Variants in RIMS2 observed in about 807,000 individuals in gnomAD.
RIMS2 encodes regulating synaptic membrane exocytosis 2, also known as regulating synaptic membrane exocytosis protein 2.
Under a neutral mutation model 174.4 loss-of-function variants are expected in RIMS2, and 59 were observed. The observed-to-expected ratio is 0.34, with a 90% CI of 0.27 to 0.42. The LOEUF (loss-of-function observed/expected upper bound fraction) is 0.42. Ranked by LOEUF, RIMS2 falls within the 10% of genes least tolerant of loss-of-function variation. The pLI is 1.00. For missense variants in RIMS2, 1,620 were observed against 1,666.3 expected (o/e 0.97, Z 0.48); for synonymous variants, 606 against 572.5 (o/e 1.06, Z -0.84).
At position 104,084,655 on chromosome 8, in the gene RIMS2, A is replaced by G. The variant is rs866272669; in HGVS notation, c.3334+70040A>G. On this transcript the variant is annotated intron_variant, in intron 19 of 23. Coordinates refer to ENST00000504942, the Ensembl canonical transcript of RIMS2. ...TCATGGTTTTTTTTCAAGTCAAGGT[A>G]AAATTTTTGAGCTCATGGCTTAATG... 3.9e-5 allele frequency among the ~76,000 whole-genome samples: 6 copies of G among 152,098 alleles called. No homozygotes were observed. In the Middle Eastern group the frequency reaches 0.017, roughly 431 times the overall value.
At chr8:103,863,327 GGT>G (rs2099068310) in intron 3 of RIMS2, among the ~76,000 whole-genome samples, 1 of 151,904 alleles carries the variant, frequency 6.6e-6, no homozygotes, top group African/African-American at 2.4e-5. Context: ...ACCTGATTGT[GGT>G]GTATTAATTT....
At chr8:103,820,882 A>G (rs1317038367) in intron 3 of RIMS2, among the ~76,000 whole-genome samples, 1 of 151,398 alleles carries the variant, frequency 6.6e-6, no homozygotes, top group Non-Finnish European at 1.5e-5. Flanking sequence ...ACATCACTTT[A>G]GTGTCTATAA....
chr8:103,792,219 GTC>G (rs754408764), intron 3 of RIMS2, among the ~76,000 whole-genome samples: 13 of 152,078 alleles, frequency 8.5e-5, no homozygotes, highest in Admixed American at 4.6e-4. Context: ...ATAACAAACT[GTC>G]TCTCAGACCA....
intron 1 of RIMS2, among the ~76,000 whole-genome samples, chr8:103,670,553 T>C (rs1292469365): frequency 3.9e-5 from 6 of 152,232 alleles, no homozygotes; most frequent in Non-Finnish European, 8.8e-5. Context: ...AAGTCACCTC[T>C]TGAATACTTT....
rs1004381197 is a variant in RIMS2, at chr8:104,232,787, C to G, written c.3335-12129C>G. On this transcript the variant is annotated intron_variant, in intron 19 of 23. Coordinates refer to ENST00000504942, the Ensembl canonical transcript of RIMS2. ...GATTCAAAGTTTGGAAAAGTAGTGC[C>G]TCAACCATGTGCTTATACCCTAATT... 1.5e-4 allele frequency among the ~76,000 whole-genome samples: 23 copies of G among 152,240 alleles called. 1 individual carries two copies. Among genetic ancestry groups the G allele is most frequent in the Admixed American group, 1.2e-3 (19 of 15,288 alleles).
intron 19 of RIMS2, among the ~76,000 whole-genome samples, chr8:104,027,880 A>C (rs1038430562): frequency 6.6e-6 from 1 of 152,134 alleles, no homozygotes; most frequent in African/African-American, 2.4e-5. Flanking sequence ...CCATCTGTGA[A>C]AGCATATTGG....
chr8:103,695,440 A>G (rs1194420337), intron 1 of RIMS2, among the ~76,000 whole-genome samples: 1 of 151,010 alleles, frequency 6.6e-6, no homozygotes, highest in Non-Finnish European at 1.5e-5. Context: ...TTAATTTTCT[A>G]TTTTCTTAAG....
Position 103,912,114 on chromosome 8 carries a change from A to G in RIMS2, c.1754A>G (p.Asn585Ser). 3.7e-6 allele frequency: 6 copies of G among 1,607,964 alleles called. No homozygotes were observed. The highest frequency in any genetic ancestry group is 5.1e-6 in the Non-Finnish European group (6 of 1,175,696). The change falls in exon 6 of 24, where the codon AAT becomes AGT. Residue 585 changes from asparagine (N) to serine (S), a missense_variant. Coordinates refer to ENST00000504942, the Ensembl canonical transcript of RIMS2. ...CGTTTAATTGGTCGCATTTTATTAA[A>G]TAAGCGTCTAAAAGATGGAAGTGTA...
chr8:103,536,454 G>A (rs1839795680), intron 1 of RIMS2, among the ~76,000 whole-genome samples: 1 of 152,116 alleles, frequency 6.6e-6, no homozygotes, highest in South Asian at 2.1e-4. Context: ...TTGCATTGCT[G>A]TAAAGGAATA....
At chr8:104,119,203 A>G (rs1371355779) in intron 19 of RIMS2, among the ~76,000 whole-genome samples, 2 of 151,554 alleles carry the variant, frequency 1.3e-5, no homozygotes, top group East Asian at 1.9e-4. Flanking sequence ...AAAAAAAAAA[A>G]TCAAAAATTA....
intron 1 of RIMS2, among the ~76,000 whole-genome samples, chr8:103,603,144 C>G (rs1364041736): frequency 9.0e-6 from 1 of 110,528 alleles, no homozygotes; most frequent in Non-Finnish European, 1.8e-5. Flanking sequence ...CTATCCCTCC[C>G]CCCTCCCCCC....
At chr8:103,818,554 G>C (rs7836680) in intron 3 of RIMS2, among the ~76,000 whole-genome samples, 22,833 of 152,062 alleles carry the variant, frequency 0.15, 1,789 homozygotes, top group Middle Eastern at 0.24. Flanking sequence ...AAATAAATTA[G>C]TAATAATTGA....
At chr8:103,773,465 C>G (rs1344421894) in intron 3 of RIMS2, among the ~76,000 whole-genome samples, 4 of 152,202 alleles carry the variant, frequency 2.6e-5, no homozygotes. Flanking sequence ...CACGGTGGCT[C>G]ACGCCTGTAA....
chr8:104,034,863 G>A (rs2096483024), intron 19 of RIMS2, among the ~76,000 whole-genome samples: 1 of 152,068 alleles, frequency 6.6e-6, no homozygotes, highest in Non-Finnish European at 1.5e-5. Context: ...TAACTTGTGA[G>A]TTTATCTTTC....
intron 20 of RIMS2, among the ~76,000 whole-genome samples, chr8:104,247,174 G>A (rs1333214625): frequency 6.6e-6 from 1 of 152,082 alleles, no homozygotes; most frequent in African/African-American, 2.4e-5. Flanking sequence ...ATTTGATGTG[G>A]GTAATGAGAG....
intron 3 of RIMS2, among the ~76,000 whole-genome samples, chr8:103,825,197 G>A (rs914024673): frequency 6.6e-6 from 1 of 151,720 alleles, no homozygotes; most frequent in Non-Finnish European, 1.5e-5. Flanking sequence ...AGTTTTGCTT[G>A]TTCTAAAACT....
At chr8:103,616,751 G>A (rs575761803) in intron 1 of RIMS2, among the ~76,000 whole-genome samples, 50 of 151,994 alleles carry the variant, frequency 3.3e-4, no homozygotes, top group Non-Finnish European at 5.6e-4. Flanking sequence ...GAGCCAAATC[G>A]GAAAGGCAAT....
At chr8:104,248,891 T>TTCTCTCTCTCTCTC (rs368851079) in intron 21 of RIMS2, 78 bp downstream of exon 27, 14,891 of 622,106 alleles carry the variant, frequency 0.024, 367 homozygotes, top group African/African-American at 0.11. Flanking sequence ...TCATAGAATC[T>TTCTCTCTCTCTCTC]TCTCTCTCTC....
At chr8:104,010,852 A>G (rs2095739909) in intron 17 of RIMS2, among the ~76,000 whole-genome samples, 1 of 152,174 alleles carries the variant, frequency 6.6e-6, no homozygotes, top group Admixed American at 6.6e-5. Flanking sequence ...TTTTATATGC[A>G]TAACATAAAA....
Sources: allele counts gnomAD v4.1 joint callset (sites outside exome capture counted in the v4.1 genomes callset), GRCh38; gene constraint gnomAD v4.1.1; transcripts MANE v1.5; gene names NCBI Gene and HGNC (gene_info 2026-07-23, HGNC 2026-07-21).